PIGK: variants seen among roughly 807,000 people sequenced by gnomAD.
PIGK encodes the protein phosphatidylinositol glycan anchor biosynthesis class K.
A neutral mutation model predicts 50.6 loss-of-function variants in PIGK; 42 were observed. The observed-to-expected ratio is 0.83, with a 90% CI of 0.65 to 1.07. The LOEUF (loss-of-function observed/expected upper bound fraction) is 1.07. Among genes scored for constraint, PIGK ranks in the 50% least tolerant of loss-of-function variants. The pLI is 0.00. For missense variants in PIGK, 448 were observed against 488.7 expected (o/e 0.92, Z 0.78); for synonymous variants, 151 against 156.0 (o/e 0.97, Z 0.24).
rs180745693 is a variant in PIGK, at chr1:77,128,958, G to A, written c.987-6599C>T. On this transcript the variant is annotated intron_variant, in intron 9 of 10. Coordinates refer to ENST00000370812, the MANE Select transcript of PIGK (RefSeq NM_005482.3). ...AGTCTAAAGAAAAATAACATTTCATGACTAGTGAAAATTACACAAAATTTG... is the reference window on the plus strand; with the variant it reads ...AGTCTAAAGAAAAATAACATTTCATAACTAGTGAAAATTACACAAAATTTG... Among the ~76,000 whole-genome samples the A allele has an allele frequency of 1.5e-3, 234 of 152,228 alleles. 2 individuals carry two copies. The highest frequency in any genetic ancestry group is 0.01 in the Middle Eastern group (3 of 294).
At chr1:77,135,599 A>T (rs928558867) in intron 9 of PIGK, among the ~76,000 whole-genome samples, 25 of 152,186 alleles carry the variant, frequency 1.6e-4, no homozygotes, top group South Asian at 8.3e-4. Flanking sequence ...AAATGTGATT[A>T]AAAAATTATC....
chr1:77,192,500 G>A (rs17100021), intron 3 of PIGK, among the ~76,000 whole-genome samples: 5,642 of 152,096 alleles, frequency 0.037, 204 homozygotes, highest in South Asian at 0.21. Flanking sequence ...ACGGAATAAT[G>A]GAAACAAGAT....
chr1:77,193,068 C>T (rs895661322), intron 3 of PIGK, among the ~76,000 whole-genome samples: 18 of 152,272 alleles, frequency 1.2e-4, no homozygotes, highest in African/African-American at 4.1e-4. Context: ...CCCACTCATG[C>T]TTTGGCCAAA....
At chr1:77,134,946 T>G (rs1654463902) in intron 9 of PIGK, among the ~76,000 whole-genome samples, 1 of 152,156 alleles carries the variant, frequency 6.6e-6, no homozygotes, top group Non-Finnish European at 1.5e-5. Context: ...TCTTTTTTAC[T>G]CATGATTATA....
intron 1 of PIGK, among the ~76,000 whole-genome samples, chr1:77,218,470 A>T (rs1287025418): frequency 6.6e-6 from 1 of 152,224 alleles, no homozygotes; most frequent in Non-Finnish European, 1.5e-5. Flanking sequence ...GGATAAAGAG[A>T]TTAAGACTCT....
chr1:77,142,856 G>A lies in PIGK; in HGVS notation c.986+11593C>T, dbSNP rs183584533. Among the ~76,000 whole-genome samples the A allele has an allele frequency of 2.7e-3, 416 of 151,984 alleles. 1 individual carries two copies. The highest frequency in any genetic ancestry group is 9.2e-3 in the African/African-American group (383 of 41,454). The stretch of plus-strand genomic sequence containing the variant: ...GGGGACACAGAGTCAAACCATATTG[G>A]GAACCCAAAAAAAGCAAAATTTGAA... On this transcript the variant is annotated intron_variant, in intron 9 of 10. Transcript: ENST00000370812.
chr1:77,090,898 T>G lies in PIGK; in HGVS notation c.*1476A>C, dbSNP rs190267329. On this transcript the variant is annotated 3_prime_UTR_variant, in exon 11 of 11. Transcript: ENST00000370812. ...GGCAAAAAGCCTCAATATCATTTGTTCTAACTAGGGAGATAACACAGTCAA... is the reference window on the plus strand; with the variant it reads ...GGCAAAAAGCCTCAATATCATTTGTGCTAACTAGGGAGATAACACAGTCAA... 658 of 152,318 alleles carry G rather than the reference T, an allele frequency of 4.3e-3. 6 individuals carry two copies. The highest frequency in any genetic ancestry group is 0.015 in the African/African-American group (639 of 41,572). 9.4% of individuals were successfully genotyped at this position (152,318 alleles called of 1,614,324 possible).
intron 9 of PIGK, among the ~76,000 whole-genome samples, chr1:77,148,782 T>G (rs1654827626): frequency 6.6e-6 from 1 of 151,914 alleles, no homozygotes; most frequent in Admixed American, 6.6e-5. Flanking sequence ...TGGCGCGATC[T>G]CGGCTTACTG....
At chr1:77,102,000 C>T (rs1352246188) in intron 10 of PIGK, among the ~76,000 whole-genome samples, 2 of 152,110 alleles carry the variant, frequency 1.3e-5, no homozygotes, top group African/African-American at 4.8e-5. Flanking sequence ...GAGAATCCAT[C>T]TCACACACAA....
intron 9 of PIGK, among the ~76,000 whole-genome samples, chr1:77,140,864 T>C (rs973351830): frequency 1.3e-5 from 2 of 152,186 alleles, no homozygotes; most frequent in African/African-American, 4.8e-5. Context: ...TTTAGTTAGA[T>C]ATAAGCTTTT....
chr1:77,186,965 A>G (rs1655763095), intron 3 of PIGK, among the ~76,000 whole-genome samples: 1 of 152,190 alleles, frequency 6.6e-6, no homozygotes, highest in South Asian at 2.1e-4. Context: ...CTTACTCTGG[A>G]TATGGGTTTG....
intron 9 of PIGK, among the ~76,000 whole-genome samples, chr1:77,144,653 A>G (rs1159105120): frequency 6.6e-6 from 1 of 151,898 alleles, no homozygotes; most frequent in Non-Finnish European, 1.5e-5. Flanking sequence ...GCAACTCAAT[A>G]GACGCTTTTG....
At chr1:77,166,880 C>G in intron 4 of PIGK, 50 bp from the exon 5 acceptor site, 1 of 855,382 alleles carries the variant, frequency 1.2e-6, no homozygotes. Flanking sequence ...CCTGGGAAAT[C>G]TTGACAAATT....
intron 9 of PIGK, among the ~76,000 whole-genome samples, chr1:77,147,954 T>C (rs1654807535): frequency 6.6e-6 from 1 of 152,222 alleles, no homozygotes; most frequent in African/African-American, 2.4e-5. Flanking sequence ...TGTACTAAAG[T>C]TCTCCATCAT....
At chr1:77,105,815 C>T (rs1328818922) in intron 10 of PIGK, among the ~76,000 whole-genome samples, 2 of 152,082 alleles carry the variant, frequency 1.3e-5, no homozygotes, top group East Asian at 3.9e-4. Flanking sequence ...CACCATGTGG[C>T]CCACAGGCCT....
intron 3 of PIGK, chr1:77,195,497 GCACACA>G: frequency 1.5e-6 from 1 of 658,758 alleles, no homozygotes; most frequent in Non-Finnish European, 2.4e-6. Context: ...TATTAAAATG[GCACACA>G]GTTTTACGGA....
intron 1 of PIGK, among the ~76,000 whole-genome samples, chr1:77,218,715 G>C (rs917825058): frequency 6.6e-6 from 1 of 152,104 alleles, no homozygotes; most frequent in Non-Finnish European, 1.5e-5. Flanking sequence ...TCAGAGTATG[G>C]TGAATAGTAA....
intron 5 of PIGK, among the ~76,000 whole-genome samples, chr1:77,164,438 T>G (rs968436720): frequency 1.3e-5 from 2 of 152,166 alleles, no homozygotes; most frequent in African/African-American, 4.8e-5. Context: ...TATGCTTCAG[T>G]TTCCTCAGCC....
chr1:77,136,911 T>C (rs1225143242), intron 9 of PIGK, among the ~76,000 whole-genome samples: 1 of 152,230 alleles, frequency 6.6e-6, no homozygotes, highest in Admixed American at 6.5e-5. Context: ...ATTTTACTAA[T>C]TCTCCTTTCA....
Sources: gnomAD v4.1 joint callset for allele counts (sites outside exome capture counted in the v4.1 genomes callset) on GRCh38, gnomAD v4.1.1 for gene constraint, MANE v1.5 for transcripts, NCBI Gene and HGNC (gene_info 2026-07-23, HGNC 2026-07-21) for gene names.